NTN1: variants seen among roughly 807,000 people sequenced by gnomAD.
The protein encoded by NTN1 is netrin-1.
In NTN1, 11 loss-of-function variants were observed where a neutral mutation model predicts 54.2. The observed-to-expected ratio is 0.20, with a 90% CI of 0.13 to 0.34. NTN1 has a LOEUF of 0.34. Ranked by LOEUF, NTN1 falls within the 10% of genes least tolerant of loss-of-function variation. The pLI, the probability that NTN1 is intolerant of heterozygous loss-of-function variation, is 1.00. For missense variants in NTN1, 740 were observed against 893.1 expected, an observed-to-expected ratio of 0.83 and a Z score of 2.18; for synonymous variants, 371 against 382.0, an observed-to-expected ratio of 0.97 and a Z score of 0.33.
intron 2 of NTN1, among the ~76,000 whole-genome samples, chr17:9,032,199 AC>A (rs1490625483): frequency 6.6e-6 from 1 of 152,158 alleles, no homozygotes; most frequent in Non-Finnish European, 1.5e-5. Flanking sequence ...TGGCTCCTGT[AC>A]CACGAAAGGA....
At chr17:9,031,414 G>A (rs1195859421) in intron 2 of NTN1, among the ~76,000 whole-genome samples, 1 of 152,146 alleles carries the variant, frequency 6.6e-6, no homozygotes, top group Non-Finnish European at 1.5e-5. Flanking sequence ...GCAGACATTG[G>A]CAATCAACGG....
At chr17:9,163,065 C>CTCCTCGCTTCCTTTTCTA in intron 3 of NTN1, 64 bp downstream of exon 3, 1 of 1,464,932 alleles carries the variant, frequency 6.8e-7, no homozygotes, top group Non-Finnish European at 9.2e-7. Flanking sequence ...CTCCCGCTCC[C>CTCCTCGCTTCCTTTTCTA]TCCTCGCTTC....
intron 2 of NTN1, among the ~76,000 whole-genome samples, chr17:9,065,851 A>G (rs1393550640): frequency 6.6e-6 from 1 of 152,226 alleles, no homozygotes; most frequent in African/African-American, 2.4e-5. Context: ...ATTTAAATAA[A>G]TTATTATCAT....
chr17:9,200,406 C>T (rs942608075), intron 5 of NTN1, among the ~76,000 whole-genome samples: 5 of 152,202 alleles, frequency 3.3e-5, no homozygotes, highest in Non-Finnish European at 5.9e-5. Context: ...ACTCTGCCCG[C>T]CGAGTGGGAG....
In NTN1 at chr17:9,179,947, C is replaced by G. The variant is rs1196305630; in HGVS notation, c.1348C>G (p.Pro450Ala). The stretch of plus-strand genomic sequence containing the variant: ...CCAGCAGAGCCGCTCTCCCATCGCC[C>G]CCTGCATAAGTATGTGTGGGGCACC... ...GYQQSRSPIA[P>A]CIKIPVAPPT... Residue 450 changes from proline to alanine, a missense_variant, in exon 4 of 7, where the codon CCC (proline) becomes GCC (alanine). Physicochemically the swap from Pro to Ala is conservative, Grantham distance 27 (BLOSUM62 -1). Transcript: ENST00000173229. 1 of 1,613,248 alleles carries G rather than the reference C, an allele frequency of 6.2e-7. No individual in the cohort carries two copies. Among genetic ancestry groups the G allele is most frequent in the Non-Finnish European group, 8.5e-7 (1 of 1,179,772 alleles).
chr17:9,227,323 TCAAA>T (rs60888580), intron 6 of NTN1, among the ~76,000 whole-genome samples: 44,217 of 148,386 alleles, frequency 0.3, 6,692 homozygotes, highest in African/African-American at 0.39. Flanking sequence ...ACCACACACA[TCAAA>T]CACAGATACA....
chr17:9,100,308 A>T (rs778525360), intron 2 of NTN1, among the ~76,000 whole-genome samples: 9 of 150,968 alleles, frequency 6.0e-5, no homozygotes, highest in African/African-American at 1.7e-4. Flanking sequence ...TTATTTATTT[A>T]TTTTTTTGAG....
chr17:9,075,396 C>T (rs867767747), intron 2 of NTN1, among the ~76,000 whole-genome samples: 1 of 152,106 alleles, frequency 6.6e-6, no homozygotes, highest in Non-Finnish European at 1.5e-5. Flanking sequence ...GCAGGAGAAT[C>T]GCTTGAACCT....
intron 5 of NTN1, chr17:9,183,573 T>A (rs1299891097): frequency 3.4e-6 from 1 of 296,798 alleles, no homozygotes; most frequent in African/African-American, 2.3e-5. Flanking sequence ...ATAAATATCG[T>A]TCATGCTGGT....
chr17:9,181,535 A>G (rs932224649), intron 4 of NTN1, among the ~76,000 whole-genome samples: 5 of 152,232 alleles, frequency 3.3e-5, no homozygotes, highest in Middle Eastern at 3.4e-3. Flanking sequence ...CAGGGCACCT[A>G]TGGTTTGTTG....
upstream of NTN1, among the ~76,000 whole-genome samples, chr17:9,017,579 G>A (rs1319094107): frequency 1.3e-5 from 2 of 152,128 alleles, no homozygotes; most frequent in Admixed American, 6.5e-5. Context: ...CCCCCTCCTA[G>A]GGTGATCCGT....
intron 2 of NTN1, among the ~76,000 whole-genome samples, chr17:9,122,078 C>T (rs1759402609): frequency 6.6e-6 from 1 of 150,418 alleles, no homozygotes; most frequent in East Asian, 1.9e-4. Flanking sequence ...CGTTCTGTCG[C>T]CCAGGCTGGA....
chr17:9,063,827 C>A (rs1370015292), intron 2 of NTN1, among the ~76,000 whole-genome samples: 1 of 106,310 alleles, frequency 9.4e-6, no homozygotes, highest in South Asian at 3.7e-4. Flanking sequence ...GGATTACAGG[C>A]GTGAGCCCCA....
Position 9,022,682 on chromosome 17 carries a change from C to T in NTN1, c.309C>T (p.His103=). 1.0e-5 allele frequency: 16 copies of T among 1,584,420 alleles called. No homozygotes were observed. The highest frequency in any genetic ancestry group is 1.3e-5 in the Non-Finnish European group (15 of 1,166,780). The part of the protein sequence containing the change: ...LCNASDPKKA[H]PPAFLTDLNN... ...ACGCGTCCGACCCCAAGAAGGCGCA[C>T]CCGCCCGCCTTCCTCACCGACCTCA... The change falls in exon 2 of 7, where the codon CAC becomes CAT. Residue 103 remains histidine (H), a synonymous_variant. Transcript: ENST00000173229.
intron 5 of NTN1, among the ~76,000 whole-genome samples, chr17:9,209,687 G>A (rs760154849): frequency 4.6e-4 from 70 of 152,318 alleles, no homozygotes; most frequent in Middle Eastern, 3.4e-3. Flanking sequence ...TCTGACCAGC[G>A]AAGCCCCGAG....
intron 6 of NTN1, among the ~76,000 whole-genome samples, chr17:9,238,056 C>T (rs1055945826): frequency 1.3e-5 from 2 of 152,228 alleles, no homozygotes; most frequent in African/African-American, 4.8e-5. Flanking sequence ...CTGCACTCGG[C>T]TGTCCCTGCC....
At position 9,037,078 on chromosome 17, in the gene NTN1, C is replaced by T. The variant is rs573057912; in HGVS notation, c.1018+13687C>T. ...TCACAAAGTGAGCTCACCTCTGTGT[C>T]TACCACTAACATGAAGAAATACAGT... On this transcript the variant is annotated intron_variant, in intron 2 of 6. Transcript: ENST00000173229. Among the ~76,000 whole-genome samples, 131 of 152,316 alleles carry T rather than the reference C, an allele frequency of 8.6e-4. 1 individual carries two copies. Among genetic ancestry groups the T allele is most frequent in the Middle Eastern group, 3.4e-3 (1 of 294 alleles).
At position 9,221,063 on chromosome 17, in the gene NTN1, C is replaced by A; in HGVS notation, c.1412-105C>A. The A allele has an allele frequency of 2.3e-6, 2 of 862,802 alleles. No individual in the cohort carries two copies. Among genetic ancestry groups the A allele is most frequent in the Non-Finnish European group, 2.0e-6 (1 of 502,964 alleles). The allele number at this position is 862,802 out of a possible 1,614,324, so 53.4% of individuals were successfully genotyped here. ...CGCCCGGCCTGGCCCATGGGTATCA[C>A]AGGCCTCTGGCTATTTAGGGAGGCG... On this transcript the variant is annotated intron_variant, in intron 5 of 6. Coordinates refer to ENST00000173229, the MANE Select transcript of NTN1 (RefSeq NM_004822.3). The surrounding 1 kb of genome is among the most constrained non-coding windows in gnomAD (Gnocchi z 4.5).
rs977325240 is a variant in NTN1, at chr17:9,241,132, G to C, written c.*1164G>C. On this transcript the variant is annotated 3_prime_UTR_variant, in exon 7 of 7. Transcript: ENST00000173229. ...AGCTGGGATGGGGTTTGCTGGCTCA[G>C]TGAAGTACCAGAGTGCCTGAGCCAT... is the stretch of plus-strand genomic sequence containing the variant. 7 of 152,440 alleles carry C rather than the reference G, an allele frequency of 4.6e-5. No homozygotes were observed. The highest frequency in any genetic ancestry group is 1.4e-4 in the African/African-American group (6 of 41,462). The allele number at this position is 152,440 out of a possible 1,614,324, so 9.4% of individuals were successfully genotyped here. A position where few individuals can be genotyped will look rare whatever the true frequency, so the allele number is the denominator to read the frequency against.
Sources: allele counts gnomAD v4.1 joint callset (sites outside exome capture counted in the v4.1 genomes callset), GRCh38; gene constraint gnomAD v4.1.1; non-coding constraint Gnocchi (gnomAD v3.1); transcripts MANE v1.5; gene names NCBI Gene and HGNC (gene_info 2026-07-23, HGNC 2026-07-21).